The following CELSR1 variants were observed in gnomAD, a reference collection of about 807,000 sequenced individuals.
The protein encoded by CELSR1 is cadherin EGF LAG seven-pass G-type receptor 1, also known as adhesion G protein-coupled receptor C1.
A neutral mutation model predicts 249.1 loss-of-function variants in CELSR1; 110 were observed. That is an observed-to-expected ratio of 0.44 (90% CI 0.38 to 0.52). The LOEUF (loss-of-function observed/expected upper bound fraction) is 0.52. Ranked by LOEUF, CELSR1 falls within the 20% of genes least tolerant of loss-of-function variation. The probability of loss-of-function intolerance (pLI) is 0.00; values close to 1 mark genes in which losing one functional copy is unlikely to be tolerated. For missense variants in CELSR1, 4,109 were observed against 4,296.4 expected (o/e 0.96, Z 1.22); for synonymous variants, 2,113 against 1,900.0 (o/e 1.11, Z -2.92).
At chr22:46,368,482 C>G (rs2078812872) in intron 27 of CELSR1, among the ~76,000 whole-genome samples, 1 of 151,820 alleles carries the variant, frequency 6.6e-6, no homozygotes, top group South Asian at 2.1e-4. Context: ...TCAGACTCGG[C>G]TCTCTCCTCC....
In CELSR1 at chr22:46,512,796, C is replaced by T. The variant is rs1413811361; in HGVS notation, c.3544+20831G>A. On this transcript the variant is annotated intron_variant, in intron 1 of 34. Transcript: ENST00000674500. The surrounding 1 kb of genome is among the most constrained non-coding windows in gnomAD (Gnocchi z 5.2). ...CATCCAGAGGAATTATTCAGACAAGCTACCCATGTGCCCCTGCAAGAACCA... is the reference window on the plus strand; with the variant it reads ...CATCCAGAGGAATTATTCAGACAAGTTACCCATGTGCCCCTGCAAGAACCA... 6.6e-6 allele frequency among the ~76,000 whole-genome samples: 1 copy of T among 152,214 alleles called. No individual in the cohort carries two copies.
intron 20 of CELSR1, among the ~76,000 whole-genome samples, chr22:46,382,586 T>C (rs764194128): frequency 6.6e-6 from 1 of 152,184 alleles, no homozygotes; most frequent in African/African-American, 2.4e-5. Flanking sequence ...TGGACCCAGA[T>C]ACTTCTATGC....
intron 1 of CELSR1, among the ~76,000 whole-genome samples, chr22:46,486,992 C>G (rs904397330): frequency 3.9e-5 from 6 of 152,058 alleles, no homozygotes; most frequent in African/African-American, 1.5e-4. Flanking sequence ...TACTGAGCAC[C>G]TACTGTGTGT....
At position 46,377,486 on chromosome 22, in the gene CELSR1, C is replaced by G. The variant is rs1255576856; in HGVS notation, c.7384-225G>C. The G allele has an allele frequency of 1.2e-5, 7 of 573,140 alleles. No individual in the cohort carries two copies. In the African/African-American group the frequency reaches 1.3e-4, roughly 11 times the overall value. 35.5% of individuals were successfully genotyped at this position (573,140 alleles called of 1,614,324 possible). A position where few individuals can be genotyped will look rare whatever the true frequency, so the allele number is the denominator to read the frequency against. ...TGGGCATCCCTGGGGCCTGCGGCAGCACGCCAGGCTCCCTCCACTGGCTTG... is the reference window on the plus strand; with the variant it reads ...TGGGCATCCCTGGGGCCTGCGGCAGGACGCCAGGCTCCCTCCACTGGCTTG... On this transcript the variant is annotated intron_variant, in intron 23 of 34. Coordinates refer to ENST00000674500, the MANE Select transcript of CELSR1 (RefSeq NM_001378328.1).
chr22:46,529,836 C>T (rs2080774600), intron 1 of CELSR1, among the ~76,000 whole-genome samples: 1 of 151,702 alleles, frequency 6.6e-6, no homozygotes, highest in South Asian at 2.1e-4. Context: ...TAGTATTTAG[C>T]CCAACAGTGA....
intron 1 of CELSR1, among the ~76,000 whole-genome samples, chr22:46,523,696 A>AGGT (rs2080709163): frequency 6.6e-6 from 1 of 152,118 alleles, no homozygotes; most frequent in Admixed American, 6.5e-5. Flanking sequence ...GCCCCTCAAC[A>AGGT]GGTGCGTCAG....
chr22:46,471,488 C>A lies in CELSR1; in HGVS notation c.3545-7143G>T, dbSNP rs1602183117. Among the ~76,000 whole-genome samples, 1 of 152,236 alleles carries A rather than the reference C, an allele frequency of 6.6e-6. No individual in the cohort carries two copies. The highest frequency in any genetic ancestry group is 2.1e-4 in the South Asian group (1 of 4,824). On this transcript the variant is annotated intron_variant, in intron 1 of 34. Transcript: ENST00000674500. The surrounding 1 kb of genome is among the most constrained non-coding windows in gnomAD (Gnocchi z 4.9). ...GCCTTGAGCTTTGAGCTCCTGGGCT[C>A]AAGTGATCCTCCTGCCTCAGCCTCC... is the stretch of plus-strand genomic sequence containing the variant.
intron 23 of CELSR1, among the ~76,000 whole-genome samples, chr22:46,378,056 TC>T (rs1286296266): frequency 7.6e-5 from 6 of 78,966 alleles, no homozygotes; most frequent in African/African-American, 3.2e-4. Flanking sequence ...CTCGGGCCAT[TC>T]CCCAATTCAT....
At position 46,536,363 on chromosome 22, in the gene CELSR1, G is replaced by A. The variant is rs1196033550; in HGVS notation, c.808C>T (p.His270Tyr). ...AGTLILQLHA[H>Y]YTIEGEEERV... ...TCCTCCTCGCCCTCGATGGTGTAGT[G>A]CGCGTGCAGCTGGAGGATGAGGGTG... Residue 270 changes from histidine to tyrosine, a missense_variant, in exon 1 of 35, where the codon CAC (histidine) becomes TAC (tyrosine). Coordinates refer to ENST00000674500, the MANE Select transcript of CELSR1 (RefSeq NM_001378328.1). The A allele has an allele frequency of 1.2e-6, 2 of 1,612,404 alleles. No homozygotes were observed. Among genetic ancestry groups the A allele is most frequent in the Non-Finnish European group, 1.7e-6 (2 of 1,179,580 alleles).
At chr22:46,418,274 A>G (rs889546680) in intron 5 of CELSR1, among the ~76,000 whole-genome samples, 1 of 152,104 alleles carries the variant, frequency 6.6e-6, no homozygotes, top group Middle Eastern at 3.2e-3. Flanking sequence ...TGCAGTCAGG[A>G]GTTTGCGACC....
rs1170002104 is a variant in CELSR1 at position 46,441,496 on chromosome 22, G to A, written c.4184-2085C>T. Among the ~76,000 whole-genome samples the A allele has an allele frequency of 1.3e-5, 2 of 152,162 alleles. No homozygotes were observed. Among genetic ancestry groups the A allele is most frequent in the Middle Eastern group, 3.2e-3 (1 of 316 alleles). On this transcript the variant is annotated intron_variant, in intron 2 of 34. Coordinates refer to ENST00000674500, the MANE Select transcript of CELSR1 (RefSeq NM_001378328.1). This position sits in a 1 kb window ranked among gnomAD's most constrained non-coding sequence, Gnocchi z 6.1. Reference sequence around the variant, plus strand: ...TGGGCTGCCATAATGAAGCATGAGAGATCGGGGGCTTATACAACAGACACT... The same window carrying A: ...TGGGCTGCCATAATGAAGCATGAGAAATCGGGGGCTTATACAACAGACACT...
chr22:46,387,557 C>A (rs191252405), intron 18 of CELSR1, among the ~76,000 whole-genome samples: 1 of 151,910 alleles, frequency 6.6e-6, no homozygotes, highest in Admixed American at 6.5e-5. Context: ...CAGGGTTTCA[C>A]CATGTTGCCC....
At position 46,518,148 on chromosome 22, in the gene CELSR1, GATCC is replaced by G. The variant is rs1243958028; in HGVS notation, c.3544+15475_3544+15478del. On this transcript the variant is annotated intron_variant, in intron 1 of 34. Transcript: ENST00000674500. This position sits in a 1 kb window ranked among gnomAD's most constrained non-coding sequence, Gnocchi z 5.2. ...TCGAACTCGTGACCTCAGGTGATGT[GATCC>G]ATCCATCTCGACCTCCCAAAGTGCT... Among the ~76,000 whole-genome samples the G allele has an allele frequency of 2.0e-5, 3 of 152,132 alleles. No individual in the cohort carries two copies. Among genetic ancestry groups the G allele is most frequent in the African/African-American group, 7.2e-5 (3 of 41,426 alleles).
chr22:46,390,409 C>T lies in CELSR1; in HGVS notation c.6328G>A (p.Val2110Met). 1.9e-6 allele frequency: 3 copies of T among 1,613,492 alleles called. No homozygotes were observed. The highest frequency in any genetic ancestry group is 2.5e-6 in the Non-Finnish European group (3 of 1,179,758). ...GCCCCTACCATGGCCCTGAGGTCCA[C>T]GAAGGAGATGGTGGTACAGTTAAAG... ...ELFNCTTISF[V>M]DLRAMNEKLS... Residue 2110 changes from valine (V) to methionine (M), a missense_variant, in exon 17 of 35, where the codon GTG (valine) becomes ATG (methionine). Transcript: ENST00000674500. The surrounding 1 kb of genome is among the most constrained non-coding windows in gnomAD (Gnocchi z 6.3).
rs1602025554 is a variant in CELSR1, at chr22:46,367,878, C to G, written c.7953-23G>C. 3 of 1,598,874 alleles carry G rather than the reference C, an allele frequency of 1.9e-6. No homozygotes were observed. In the South Asian group the frequency reaches 3.4e-5, roughly 18 times the overall value. ...GAGCTGCGGGAGGGCAGGATCAGGC[C>G]TGTGCCCATCGCCACCACCTGCTCC... is the stretch of plus-strand genomic sequence containing the variant. On this transcript the variant is annotated intron_variant, in intron 27 of 34. Coordinates refer to ENST00000674500, the MANE Select transcript of CELSR1 (RefSeq NM_001378328.1).
rs2147586688 is a variant in CELSR1, at chr22:46,463,927, A to C, written c.3963T>G (p.Val1321=). 6.2e-7 allele frequency: 1 copy of C among 1,614,008 alleles called. No homozygotes were observed. ...AGGGCGCGGAGCTGTCGAATCGCAG[A>C]ACGGACACGCACTTCATGTAGTTCT... The part of the protein sequence containing the change: ...PCENYMKCVS[V]LRFDSSAPFL... Residue 1321 remains valine, a synonymous_variant, in exon 2 of 35, where the codon GTT becomes GTG. Coordinates refer to ENST00000674500, the MANE Select transcript of CELSR1 (RefSeq NM_001378328.1).
Position 46,380,757 on chromosome 22 carries a change from C to A in CELSR1, c.7256+31G>T. On this transcript the variant is annotated intron_variant, in intron 22 of 34. Transcript: ENST00000674500. This position sits in a 1 kb window ranked among gnomAD's most constrained non-coding sequence, Gnocchi z 5.1. ...CGGGGGCACTCTGCCTTGGCAAAGCCCTCACATGGGGCTCCTGGCGTCACA... is the reference window on the plus strand; with the variant it reads ...CGGGGGCACTCTGCCTTGGCAAAGCACTCACATGGGGCTCCTGGCGTCACA... The A allele has an allele frequency of 6.2e-7, 1 of 1,604,214 alleles. No individual in the cohort carries two copies. The highest frequency in any genetic ancestry group is 1.3e-5 in the African/African-American group (1 of 74,882).
intron 1 of CELSR1, among the ~76,000 whole-genome samples, chr22:46,492,795 G>C (rs2080380010): frequency 6.6e-6 from 1 of 152,158 alleles, no homozygotes; most frequent in Non-Finnish European, 1.5e-5. Flanking sequence ...CCAACAGTGA[G>C]CCAAGATAGC....
chr22:46,460,631 G>C (rs906731679), intron 2 of CELSR1, among the ~76,000 whole-genome samples: 1 of 152,184 alleles, frequency 6.6e-6, no homozygotes, highest in Non-Finnish European at 1.5e-5. Context: ...TGCCTCTCAG[G>C]GTTGTTTAGG....
Sources: gnomAD v4.1 joint callset for allele counts (sites outside exome capture counted in the v4.1 genomes callset) on GRCh38, gnomAD v4.1.1 for gene constraint, Gnocchi (gnomAD v3.1) non-coding constraint, MANE v1.5 for transcripts, NCBI Gene and HGNC (gene_info 2026-07-23, HGNC 2026-07-21) for gene names.